DNAJA1: variants seen among roughly 807,000 people sequenced by gnomAD.
DNAJA1 encodes the protein DnaJ heat shock protein family (Hsp40) member A1, also known as dnaJ homolog subfamily A member 1.
In DNAJA1, 26 loss-of-function variants were observed where a neutral mutation model predicts 47.6. The ratio of observed to expected loss-of-function variants is 0.55; its 90% confidence interval spans 0.40 to 0.76. The LOEUF (loss-of-function observed/expected upper bound fraction) is 0.76. DNAJA1 is among the 30% of genes least tolerant of loss of function. The pLI is 0.00. For synonymous variants in DNAJA1, 165 were observed against 158.4 expected, an observed-to-expected ratio of 1.04 and a Z score of -0.31; for missense variants, 315 against 485.0, an observed-to-expected ratio of 0.65 and a Z score of 3.29.
chr9:33,039,754 A>G lies in DNAJA1; in HGVS notation c.*851A>G, dbSNP rs1839092867. On this transcript the variant is annotated 3_prime_UTR_variant, in exon 9 of 9. Transcript: ENST00000330899. Reference sequence around the variant, plus strand: ...TTTAAACCATTTGACTTTCGCTCCAAAGTTATGTTGGTAGTATAGCAAATT... The same window carrying G: ...TTTAAACCATTTGACTTTCGCTCCAGAGTTATGTTGGTAGTATAGCAAATT... The G allele has an allele frequency of 6.6e-6, 1 of 151,896 alleles. No individual in the cohort carries two copies. Among genetic ancestry groups the G allele is most frequent in the Non-Finnish European group, 1.5e-5 (1 of 67,952 alleles). 9.4% of individuals were successfully genotyped at this position (151,896 alleles called of 1,614,324 possible). A position where few individuals can be genotyped will look rare whatever the true frequency, so the allele number is the denominator to read the frequency against.
At position 33,030,312 on chromosome 9, in the gene DNAJA1, C is replaced by G. The variant is rs531045082; in HGVS notation, c.416-128C>G. 1.1e-5 allele frequency: 9 copies of G among 833,264 alleles called. No homozygotes were observed. In the South Asian group the frequency reaches 1.7e-4, roughly 15 times the overall value. The allele number at this position is 833,264 out of a possible 1,614,324, so 51.6% of individuals were successfully genotyped here. ...GGAATGATCTCATCAGTTGTACATT[C>G]AGAGGGTAGCATTCCATCAGGCTTC... is the stretch of plus-strand genomic sequence containing the variant. On this transcript the variant is annotated intron_variant, in intron 4 of 8. Coordinates refer to ENST00000330899, the MANE Select transcript of DNAJA1 (RefSeq NM_001539.4).
In DNAJA1 at chr9:33,038,982, C is replaced by A; in HGVS notation, c.*79C>A. 1 of 1,287,392 alleles carries A rather than the reference C, an allele frequency of 7.8e-7. No individual in the cohort carries two copies. The highest frequency in any genetic ancestry group is 1.1e-6 in the Non-Finnish European group (1 of 917,342). 79.7% of individuals were successfully genotyped at this position (1,287,392 alleles called of 1,614,324 possible). A position where few individuals can be genotyped will look rare whatever the true frequency, so the allele number is the denominator to read the frequency against. ...TGAAGGACTGTAATCATAATATGCT[C>A]ACTACTTGCTCTTGTTTTTGTTTTA... is the stretch of plus-strand genomic sequence containing the variant. On this transcript the variant is annotated 3_prime_UTR_variant, in exon 9 of 9. Transcript: ENST00000330899.
At chr9:33,026,638 ACG>A (rs1838862265) in intron 2 of DNAJA1, 22 bp downstream of exon 2, 2 of 1,594,314 alleles carry the variant, frequency 1.3e-6, no homozygotes, top group East Asian at 4.5e-5. Context: ...CTACTCTTAA[ACG>A]TATCTGAATA....
At position 33,034,342 on chromosome 9, in the gene DNAJA1, T is replaced by C. The variant is rs908528395; in HGVS notation, c.758+12T>C. On this transcript the variant is annotated intron_variant, in intron 6 of 8. Transcript: ENST00000330899. ...GCTGTTTTTACTCGGTAAAGACTTTTATCAACCACTCAAATTGATATCACA... is the reference window on the plus strand; with the variant it reads ...GCTGTTTTTACTCGGTAAAGACTTTCATCAACCACTCAAATTGATATCACA... 1 of 1,587,144 alleles carries C rather than the reference T, an allele frequency of 6.3e-7. No homozygotes were observed.
At position 33,030,008 on chromosome 9, in the gene DNAJA1, T is replaced by G. The variant is rs1311428582; in HGVS notation, c.415+19T>G. ...TGTGAAGGTACGGTGTTTTTTTGTTTTGTTTTGTTTTGTTTTTAAGCACCT... is the reference window on the plus strand; with the variant it reads ...TGTGAAGGTACGGTGTTTTTTTGTTGTGTTTTGTTTTGTTTTTAAGCACCT... On this transcript the variant is annotated intron_variant, in intron 4 of 8. Coordinates refer to ENST00000330899, the MANE Select transcript of DNAJA1 (RefSeq NM_001539.4). 1 of 1,600,326 alleles carries G rather than the reference T, an allele frequency of 6.2e-7. No individual in the cohort carries two copies. Among genetic ancestry groups the G allele is most frequent in the Non-Finnish European group, 8.5e-7 (1 of 1,173,138 alleles).
At chr9:33,029,568 C>T (rs1414022276) in intron 3 of DNAJA1, among the ~76,000 whole-genome samples, 1 of 152,158 alleles carries the variant, frequency 6.6e-6, no homozygotes, top group Non-Finnish European at 1.5e-5. Flanking sequence ...GTGAAATGTG[C>T]CCTTTTAAAT....
rs189571687 is a variant in DNAJA1 at position 33,032,955 on chromosome 9, G to A, written c.644-1261G>A. ...TTGTACTGTTGGCTCTGTTTATACA[G>A]GATTAATATTTTCCATACGTAAAGG... On this transcript the variant is annotated intron_variant, in intron 5 of 8. Transcript: ENST00000330899. Among the ~76,000 whole-genome samples the A allele has an allele frequency of 3.9e-5, 6 of 152,218 alleles. No homozygotes were observed. In the East Asian group the frequency reaches 5.8e-4, roughly 15 times the overall value.
Position 33,039,536 on chromosome 9 carries a change from C to CATATATATATATATATATATAT in DNAJA1, c.*644_*645insTATATATATATATATATATATA, listed in dbSNP as rs201643498. ...TTGTGTTTCCTTCTGCTGTGCCATT[C>CATATATATATATATATATATAT]ATATATATATACATATATATATATA... On this transcript the variant is annotated 3_prime_UTR_variant, in exon 9 of 9. Transcript: ENST00000330899. 323 of 113,730 alleles carry CATATATATATATATATATATAT rather than the reference C, an allele frequency of 2.8e-3. 25 individuals carry two copies. Among genetic ancestry groups the CATATATATATATATATATATAT allele is most frequent in the Middle Eastern group, 4.5e-3 (1 of 220 alleles). The allele number at this position is 113,730 out of a possible 1,614,324, so 7.0% of individuals were successfully genotyped here.
At chr9:33,028,050 A>AG (rs1491126742) in intron 3 of DNAJA1, among the ~76,000 whole-genome samples, 8 of 145,624 alleles carry the variant, frequency 5.5e-5, no homozygotes, top group Non-Finnish European at 9.1e-5. Context: ...AAAAAAAAAA[A>AG]GACAAAGTAT....
intron 3 of DNAJA1, among the ~76,000 whole-genome samples, chr9:33,027,857 C>A (rs118065940): frequency 0.071 from 10,764 of 151,104 alleles, 507 homozygotes; most frequent in Non-Finnish European, 0.11. Flanking sequence ...TCACAAAAAA[C>A]CCAAAAAAAT....
chr9:33,039,578 G>C lies in DNAJA1; in HGVS notation c.*675G>C, dbSNP rs1164651009. On this transcript the variant is annotated 3_prime_UTR_variant, in exon 9 of 9. Coordinates refer to ENST00000330899, the MANE Select transcript of DNAJA1 (RefSeq NM_001539.4). ...ATATATATAATCTTGACCAGTCCTG[G>C]TCATTTGCTCCCCTCCTTGTCTGTG... 1.6e-5 allele frequency: 2 copies of C among 125,186 alleles called. No homozygotes were observed. Among genetic ancestry groups the C allele is most frequent in the Non-Finnish European group, 3.6e-5 (2 of 55,050 alleles). The allele number at this position is 125,186 out of a possible 1,614,324, so 7.8% of individuals were successfully genotyped here.
intron 8 of DNAJA1, among the ~76,000 whole-genome samples, chr9:33,037,826 A>G (rs146306678): frequency 6.6e-6 from 1 of 152,190 alleles, no homozygotes; most frequent in East Asian, 1.9e-4. Flanking sequence ...ACAAGTGGGT[A>G]TTTTACTAAT....
At chr9:33,031,864 G>T (rs985279962) in intron 5 of DNAJA1, among the ~76,000 whole-genome samples, 1 of 151,774 alleles carries the variant, frequency 6.6e-6, no homozygotes. Context: ...TAACCCATTG[G>T]GCTCCAGATT....
intron 3 of DNAJA1, among the ~76,000 whole-genome samples, chr9:33,028,760 C>A (rs1448695507): frequency 6.6e-6 from 1 of 152,140 alleles, no homozygotes; most frequent in Non-Finnish European, 1.5e-5. Context: ...GCTCTAGAAG[C>A]TTTATTTTTC....
rs1839081619 is a variant in DNAJA1 at position 33,039,217 on chromosome 9, G to T, written c.*314G>T. 3 of 328,438 alleles carry T rather than the reference G, an allele frequency of 9.1e-6. No individual in the cohort carries two copies. The highest frequency in any genetic ancestry group is 6.1e-5 in the South Asian group (2 of 32,648). The allele number at this position is 328,438 out of a possible 1,614,324, so 20.3% of individuals were successfully genotyped here. A position where few individuals can be genotyped will look rare whatever the true frequency, so the allele number is the denominator to read the frequency against. On this transcript the variant is annotated 3_prime_UTR_variant, in exon 9 of 9. Coordinates refer to ENST00000330899, the MANE Select transcript of DNAJA1 (RefSeq NM_001539.4). ...GGACAAGCTTAGACTGAAATGCTAGGTATATGTATTGGCTTCAGTGTATGA... is the reference window on the plus strand; with the variant it reads ...GGACAAGCTTAGACTGAAATGCTAGTTATATGTATTGGCTTCAGTGTATGA...
At chr9:33,032,834 T>C (rs148438181) in intron 5 of DNAJA1, among the ~76,000 whole-genome samples, 134 of 152,218 alleles carry the variant, frequency 8.8e-4, no homozygotes, top group African/African-American at 3.2e-3. Context: ...TGCTTGAAAG[T>C]ATATGTGGGG....
At position 33,026,819 on chromosome 9, in the gene DNAJA1, C is replaced by G; in HGVS notation, c.139C>G (p.Gln47Glu). ...KNPNEGEKFK[Q>E]ISQAYEVLSD... is the part of the protein sequence containing the mutation. The stretch of plus-strand genomic sequence containing the variant: ...CTCCTCTTTTCTCAAACAGTTTAAA[C>G]AGATTTCTCAAGCTTACGAAGTTCT... Residue 47 changes from glutamine (Q) to glutamate (E), a missense_variant, in exon 3 of 9, where the codon CAG becomes GAG. Gln to Glu is a conservative substitution (Grantham distance 29). Coordinates refer to ENST00000330899, the MANE Select transcript of DNAJA1 (RefSeq NM_001539.4). 1 of 1,613,346 alleles carries G rather than the reference C, an allele frequency of 6.2e-7. No individual in the cohort carries two copies. Among genetic ancestry groups the G allele is most frequent in the South Asian group, 1.1e-5 (1 of 91,028 alleles).
intron 3 of DNAJA1, among the ~76,000 whole-genome samples, chr9:33,027,949 C>T (rs1331818755): frequency 1.4e-5 from 2 of 144,156 alleles, no homozygotes; most frequent in South Asian, 2.2e-4. Context: ...CGCTTGAACC[C>T]GGGAGGTGGA....
intron 3 of DNAJA1, 143 bp downstream of exon 3, chr9:33,027,133 T>C (rs1279211669): frequency 1.3e-5 from 13 of 991,546 alleles, no homozygotes; most frequent in South Asian, 5.0e-5. Context: ...TGATTTATGG[T>C]GTCGTGTTTT....
Sources: gnomAD v4.1 joint callset for allele counts (sites outside exome capture counted in the v4.1 genomes callset) on GRCh38, gnomAD v4.1.1 for gene constraint, MANE v1.5 for transcripts, NCBI Gene and HGNC (gene_info 2026-07-23, HGNC 2026-07-21) for gene names.